The following FUT8 variants were observed in gnomAD, a reference collection of about 807,000 sequenced individuals.
The protein encoded by FUT8 is fucosyltransferase 8, also known as alpha-(1,6)-fucosyltransferase.
A neutral mutation model predicts 71.3 loss-of-function variants in FUT8; 29 were observed. The observed-to-expected ratio is 0.41, with a 90% confidence interval of 0.30 to 0.55. The LOEUF is 0.55. Ranked by LOEUF, FUT8 falls within the 20% of genes least tolerant of loss-of-function variation. The pLI is 0.34. For synonymous variants in FUT8, 254 were observed against 239.3 expected (o/e 1.06, Z -0.57); for missense variants, 544 against 702.1 (o/e 0.77, Z 2.55).
the FUT8 span, among the ~76,000 whole-genome samples, chr14:65,376,452 A>G: frequency 1.2e-5 from 1 of 85,578 alleles, no homozygotes; most frequent in African/African-American, 3.5e-5. Flanking sequence ...TTCCTGTCAC[A>G]CAGGCTGGAG....
rs192139347 is a variant in FUT8, at chr14:65,719,657, C to G, written c.836-2118C>G. On this transcript the variant is annotated intron_variant, in intron 7 of 10. Transcript: ENST00000673929. ...CCAGTTTTGGTCATTGCAGCCATAT[C>G]TACATTAGGGGGCACCCCAAGCCCG... Among the ~76,000 whole-genome samples, 48 of 152,290 alleles carry G rather than the reference C, an allele frequency of 3.2e-4. 1 individual carries two copies. Among genetic ancestry groups the G allele is most frequent in the Admixed American group, 8.5e-4 (13 of 15,308 alleles).
chr14:65,543,641 C>A (rs78558393), intron 2 of FUT8, among the ~76,000 whole-genome samples: 1,568 of 152,056 alleles, frequency 0.01, 22 homozygotes, highest in African/African-American at 0.036. Context: ...TGTTTTGGAG[C>A]CTACCCTCAG....
chr14:65,639,035 G>A (rs1243318828), intron 6 of FUT8, among the ~76,000 whole-genome samples: 1 of 152,034 alleles, frequency 6.6e-6, no homozygotes, highest in African/African-American at 2.4e-5. Flanking sequence ...CTAGGAAAAA[G>A]CAGGCAGTTT....
At chr14:65,565,146 C>A (rs992035276) in intron 3 of FUT8, among the ~76,000 whole-genome samples, 1 of 151,970 alleles carries the variant, frequency 6.6e-6, no homozygotes, top group Non-Finnish European at 1.5e-5. Flanking sequence ...AGACAGAAAC[C>A]GAGGAAGCCA....
the FUT8 span, among the ~76,000 whole-genome samples, chr14:65,376,092 A>G: frequency 7.1e-3 from 1,045 of 146,698 alleles, 10 homozygotes; most frequent in African/African-American, 0.025. Flanking sequence ...CCCTGTCTCA[A>G]AAAAAAAAAA....
intron 7 of FUT8, among the ~76,000 whole-genome samples, chr14:65,688,520 CAAAAAAAAA>C (rs34293733): frequency 2.2e-4 from 12 of 55,130 alleles, no homozygotes; most frequent in African/African-American, 7.5e-4. Context: ...ATCCACATGC[CAAAAAAAAA>C]AAAAAAAAAA....
chr14:65,473,990 T>G (rs1253954605), intron 2 of FUT8, among the ~76,000 whole-genome samples: 2 of 152,138 alleles, frequency 1.3e-5, no homozygotes, highest in Non-Finnish European at 2.9e-5. Context: ...AATAACATTT[T>G]TGCAGCAATT....
chr14:65,474,637 A>G (rs913716203), intron 2 of FUT8, among the ~76,000 whole-genome samples: 3 of 151,940 alleles, frequency 2.0e-5, no homozygotes, highest in Admixed American at 6.6e-5. Context: ...TGTTGTACCT[A>G]ATCTTCTAGC....
At chr14:65,383,222 C>T in the FUT8 span, among the ~76,000 whole-genome samples, 5 of 150,000 alleles carry the variant, frequency 3.3e-5, no homozygotes, top group East Asian at 1.9e-4. Context: ...TCTGTTGATA[C>T]GTACTCAATA....
chr14:65,402,017 A>G, the FUT8 span, among the ~76,000 whole-genome samples: 1 of 151,782 alleles, frequency 6.6e-6, no homozygotes, highest in African/African-American at 2.4e-5. Flanking sequence ...GTGCCTCAGT[A>G]TCCGACAGTG....
At chr14:65,459,837 C>A (rs947689062) in intron 2 of FUT8, among the ~76,000 whole-genome samples, 1 of 150,876 alleles carries the variant, frequency 6.6e-6, no homozygotes, top group Middle Eastern at 3.2e-3. Context: ...GAGAAACAGT[C>A]AAAAAATAAT....
intron 2 of FUT8, among the ~76,000 whole-genome samples, chr14:65,515,978 G>A (rs1169470416): frequency 6.6e-6 from 1 of 151,968 alleles, no homozygotes; most frequent in Non-Finnish European, 1.5e-5. Flanking sequence ...AGATAATTTA[G>A]CATATTGTTT....
chr14:65,505,654 A>C (rs2066720577), intron 2 of FUT8, among the ~76,000 whole-genome samples: 1 of 152,122 alleles, frequency 6.6e-6, no homozygotes, highest in African/African-American at 2.4e-5. Context: ...AGTTTCAGGA[A>C]TTTGAGGTTT....
intron 2 of FUT8, among the ~76,000 whole-genome samples, chr14:65,531,226 T>C (rs1015106214): frequency 2.6e-5 from 4 of 152,058 alleles, no homozygotes; most frequent in Non-Finnish European, 5.9e-5. Context: ...AGATTTAAAT[T>C]AATGGCTCTT....
intron 2 of FUT8, among the ~76,000 whole-genome samples, chr14:65,514,442 A>G (rs1404299632): frequency 6.6e-6 from 1 of 152,240 alleles, no homozygotes; most frequent in African/African-American, 2.4e-5. Flanking sequence ...ACTTCATGGC[A>G]GTTAACAAAC....
At chr14:65,378,577 T>C in the FUT8 span, among the ~76,000 whole-genome samples, 109 of 152,318 alleles carry the variant, frequency 7.2e-4, no homozygotes, top group Non-Finnish European at 1.3e-3. Context: ...CCAGCCATAA[T>C]AATTTCACCT....
At chr14:65,533,469 G>A (rs556634197) in intron 2 of FUT8, among the ~76,000 whole-genome samples, 11 of 152,264 alleles carry the variant, frequency 7.2e-5, no homozygotes, top group Admixed American at 6.5e-4. Flanking sequence ...TGTTGTTGCT[G>A]TATAGGAATG....
chr14:65,632,997 T>TCC (rs1835946065), intron 6 of FUT8, among the ~76,000 whole-genome samples: 3 of 108,836 alleles, frequency 2.8e-5, no homozygotes, highest in African/African-American at 8.7e-5. Context: ...CCCTCTCCCC[T>TCC]CTCCCCTCCC....
intron 2 of FUT8, among the ~76,000 whole-genome samples, chr14:65,533,901 T>C (rs1332302392): frequency 6.6e-6 from 1 of 152,218 alleles, no homozygotes; most frequent in Non-Finnish European, 1.5e-5. Flanking sequence ...TTTTTGTCTG[T>C]AGTTATAGTT....
Sources: allele counts gnomAD v4.1 joint callset (sites outside exome capture counted in the v4.1 genomes callset), GRCh38; gene constraint gnomAD v4.1.1; transcripts MANE v1.5; gene names NCBI Gene and HGNC (gene_info 2026-07-23, HGNC 2026-07-21).